ANKRD36C: variants seen among roughly 807,000 people sequenced by gnomAD.
The protein encoded by ANKRD36C is ankyrin repeat domain 36C, also known as ankyrin repeat domain-containing protein 36C.
Under a neutral mutation model 276.4 loss-of-function variants are expected in ANKRD36C, and 61 were observed. The ratio of observed to expected loss-of-function variants is 0.22; its 90% CI spans 0.18 to 0.27. ANKRD36C has a LOEUF of 0.27. Among genes scored for constraint, ANKRD36C ranks in the 10% least tolerant of loss-of-function variants. ANKRD36C has a pLI of 1.00. For synonymous variants in ANKRD36C, 483 were observed against 680.1 expected (o/e 0.71, Z 4.51); for missense variants, 1,447 against 2,032.3 (o/e 0.71, Z 5.54).
intron 15 of ANKRD36C, among the ~76,000 whole-genome samples, 170 bp from the exon 16 acceptor site, chr2:95,950,949 G>A (rs144289424): frequency 0.1 from 10,207 of 100,664 alleles, no homozygotes; most frequent in South Asian, 0.16. Flanking sequence ...GGGTAACATA[G>A]CAAGACTCTA....
chr2:95,989,131 C>G (rs1026699582), intron 1 of ANKRD36C, among the ~76,000 whole-genome samples: 1 of 152,152 alleles, frequency 6.6e-6, no homozygotes, highest in Admixed American at 6.5e-5. Context: ...CATGCCACTG[C>G]ACTCCAGGCT....
At chr2:95,865,452 A>T (rs988896439) in intron 60 of ANKRD36C, among the ~76,000 whole-genome samples, 2 of 152,072 alleles carry the variant, frequency 1.3e-5, no homozygotes, top group Non-Finnish European at 2.9e-5. Flanking sequence ...CTATAAATCA[A>T]TAGTAACCAA....
chr2:95,930,240 C>T (rs894493813), intron 24 of ANKRD36C, among the ~76,000 whole-genome samples: 5 of 151,400 alleles, frequency 3.3e-5, no homozygotes, highest in East Asian at 1.9e-4. Flanking sequence ...TTTGAATAAC[C>T]AATGTCAACA....
chr2:95,988,285 T>A (rs1364003071), intron 1 of ANKRD36C, among the ~76,000 whole-genome samples: 1 of 152,076 alleles, frequency 6.6e-6, no homozygotes, highest in Non-Finnish European at 1.5e-5. Flanking sequence ...CAGAATGTTA[T>A]GTAAATTAGG....
chr2:95,962,138 A>G (rs1175471008), intron 8 of ANKRD36C, among the ~76,000 whole-genome samples: 1 of 152,004 alleles, frequency 6.6e-6, no homozygotes, highest in Non-Finnish European at 1.5e-5. Context: ...CATTCCTGCC[A>G]ATTTCACTGT....
intron 3 of ANKRD36C, among the ~76,000 whole-genome samples, chr2:95,985,665 C>T (rs1411782412): frequency 6.6e-6 from 1 of 152,146 alleles, no homozygotes; most frequent in African/African-American, 2.4e-5. Context: ...ATTCTAACTG[C>T]GAACCAGCAC....
At chr2:95,974,495 A>T (rs1678764360) in intron 6 of ANKRD36C, among the ~76,000 whole-genome samples, 1 of 152,198 alleles carries the variant, frequency 6.6e-6, no homozygotes, top group East Asian at 1.9e-4. Flanking sequence ...AGAAAACAGT[A>T]AAAGCAGAGA....
Position 95,886,210 on chromosome 2 carries a change from A to T in ANKRD36C, c.3090+6T>A. The T allele has an allele frequency of 8.1e-7, 1 of 1,235,226 alleles. No homozygotes were observed. Among genetic ancestry groups the T allele is most frequent in the Non-Finnish European group, 1.1e-6 (1 of 875,910 alleles). The allele number at this position is 1,235,226 out of a possible 1,614,324, so 76.5% of individuals were successfully genotyped here. On this transcript the variant is annotated splice_donor_region_variant and intron_variant, in intron 51 of 66. Coordinates refer to ENST00000456556, the Ensembl canonical transcript of ANKRD36C. ...TAGTTCAAAATATATATGAGTGTTT[A>T]ATTACCTTCCAGGCCAGTTGTTTCT... is the stretch of plus-strand genomic sequence containing the variant.
At chr2:95,943,236 C>A (rs1677943262) in intron 19 of ANKRD36C, among the ~76,000 whole-genome samples, 1 of 152,306 alleles carries the variant, frequency 6.6e-6, no homozygotes, top group South Asian at 2.1e-4. Context: ...GTAATCCCAG[C>A]ACTTTGGGAG....
At chr2:95,907,255 A>C (rs1676772941) in intron 42 of ANKRD36C, 1 of 46,770 alleles carries the variant, frequency 2.1e-5, no homozygotes, top group Admixed American at 2.5e-4. Context: ...CATGCTCTTT[A>C]ACTTGCCCAA....
intron 29 of ANKRD36C, 37 bp downstream of exon 29, chr2:95,925,482 A>T (rs1677378560): frequency 2.6e-6 from 4 of 1,548,048 alleles, no homozygotes; most frequent in Non-Finnish European, 3.5e-6. Context: ...TAGGCTATGT[A>T]ATAAATAATT....
intron 60 of ANKRD36C, among the ~76,000 whole-genome samples, chr2:95,865,023 AT>A (rs1675657722): frequency 6.6e-6 from 1 of 152,074 alleles, no homozygotes; most frequent in Non-Finnish European, 1.5e-5. Context: ...ATCATTTTCT[AT>A]AGTTTTATAA....
At chr2:95,910,282 G>C in intron 42 of ANKRD36C, 91 bp downstream of exon 46, 1 of 1,368,334 alleles carries the variant, frequency 7.3e-7, no homozygotes, top group Non-Finnish European at 9.8e-7. Flanking sequence ...AGAAAGTGCA[G>C]CTTCGACGAG....
intron 44 of ANKRD36C, among the ~76,000 whole-genome samples, chr2:95,892,314 G>C (rs1157526254): frequency 6.6e-6 from 1 of 151,402 alleles, no homozygotes; most frequent in Non-Finnish European, 1.5e-5. Context: ...TAATGAGAAG[G>C]CACACAATTA....
chr2:95,858,610 G>A (rs1380761245), intron 61 of ANKRD36C, among the ~76,000 whole-genome samples: 1 of 152,114 alleles, frequency 6.6e-6, no homozygotes, highest in African/African-American at 2.4e-5. Flanking sequence ...TTATAAACAA[G>A]TTGATACATT....
intron 63 of ANKRD36C, among the ~76,000 whole-genome samples, chr2:95,855,028 C>A (rs1301464218): frequency 2.0e-5 from 3 of 152,036 alleles, no homozygotes; most frequent in Non-Finnish European, 4.4e-5. Flanking sequence ...TAATGTTAGT[C>A]TATATTAACA....
chr2:95,962,862 G>A lies in ANKRD36C; in HGVS notation c.800-315C>T, dbSNP rs571545201. 4.9e-4 allele frequency among the ~76,000 whole-genome samples: 74 copies of A among 152,018 alleles called. 1 individual carries two copies. In the South Asian group the frequency reaches 8.5e-3, roughly 17 times the overall value. ...AAACAAATGTGGTCTAAAAACAGAGGAGCAACTCATGCACCTGCGAATCAA... is the reference window on the plus strand; with the variant it reads ...AAACAAATGTGGTCTAAAAACAGAGAAGCAACTCATGCACCTGCGAATCAA... On this transcript the variant is annotated intron_variant, in intron 6 of 66. Transcript: ENST00000456556.
chr2:95,929,039 G>A (rs946290774), intron 26 of ANKRD36C, 33 bp downstream of exon 26: 2 of 1,600,318 alleles, frequency 1.2e-6, no homozygotes, highest in African/African-American at 1.3e-5. Context: ...CATCTTGATT[G>A]AACATGACAT....
chr2:95,916,152 T>C (rs776189714), exon 37 of ANKRD36C: 8 of 1,605,322 alleles, frequency 5.0e-6, no homozygotes, highest in Non-Finnish European at 4.2e-6. Context: ...CCTTCAAGGC[T>C]GGTTTTTTCC....
Sources: gnomAD v4.1 joint callset for allele counts (sites outside exome capture counted in the v4.1 genomes callset) on GRCh38, gnomAD v4.1.1 for gene constraint, MANE v1.5 for transcripts, NCBI Gene and HGNC (gene_info 2026-07-23, HGNC 2026-07-21) for gene names.